Variants in PRELID2 observed in about 807,000 individuals in gnomAD.
PRELID2 encodes PRELI domain-containing protein 2.
A neutral mutation model predicts 28.4 loss-of-function variants in PRELID2; 25 were observed. That is an observed-to-expected ratio of 0.88 (90% CI 0.64 to 1.23). The LOEUF (loss-of-function observed/expected upper bound fraction) is 1.23. PRELID2 is among the 50% of genes most tolerant of loss of function. The pLI is 0.00. For missense variants in PRELID2, 201 were observed against 214.4 expected (o/e 0.94, Z 0.39); for synonymous variants, 76 against 71.6 (o/e 1.06, Z -0.31).
intron 1 of PRELID2, among the ~76,000 whole-genome samples, chr5:145,541,557 A>G (rs1361742752): frequency 2.0e-5 from 3 of 152,046 alleles, no homozygotes; most frequent in Non-Finnish European, 4.4e-5. Context: ...TTTATTAAGG[A>G]AAATAATCAG....
chr5:145,772,969 A>G (rs1486471773), intron 5 of PRELID2, among the ~76,000 whole-genome samples: 4 of 152,228 alleles, frequency 2.6e-5, no homozygotes, highest in Non-Finnish European at 5.9e-5. Flanking sequence ...CATAGTAGCT[A>G]ATAAACTTTT....
chr5:145,314,193 C>A, the PRELID2 span, among the ~76,000 whole-genome samples: 1 of 152,198 alleles, frequency 6.6e-6, no homozygotes, highest in African/African-American at 2.4e-5. Flanking sequence ...CTCCACAAAG[C>A]AATGGTGCTG....
intron 5 of PRELID2, among the ~76,000 whole-genome samples, chr5:145,791,659 G>A (rs898625359): frequency 6.6e-5 from 10 of 152,114 alleles, no homozygotes; most frequent in South Asian, 4.1e-4. Context: ...TGATGGTGAC[G>A]GCTGCACAAC....
At chr5:145,264,677 A>G in the PRELID2 span, among the ~76,000 whole-genome samples, 4 of 151,974 alleles carry the variant, frequency 2.6e-5, no homozygotes, top group East Asian at 7.7e-4. Flanking sequence ...AAAGGATATA[A>G]AAATTGGTAA....
intron 1 of PRELID2, among the ~76,000 whole-genome samples, chr5:145,602,308 G>A (rs1479979608): frequency 6.6e-6 from 1 of 152,118 alleles, no homozygotes; most frequent in Admixed American, 6.6e-5. Flanking sequence ...GCTAGCATCT[G>A]GAAGGAATTA....
chr5:145,270,963 C>A, the PRELID2 span, among the ~76,000 whole-genome samples: 1 of 152,086 alleles, frequency 6.6e-6, no homozygotes, highest in Non-Finnish European at 1.5e-5. Flanking sequence ...AACTTACAAT[C>A]ATGGAGGAAG....
At chr5:145,409,160 A>C in the PRELID2 span, among the ~76,000 whole-genome samples, 2 of 152,210 alleles carry the variant, frequency 1.3e-5, no homozygotes, top group African/African-American at 4.8e-5. Flanking sequence ...TTTTCAGACA[A>C]ACAAATGCTG....
intron 1 of PRELID2, among the ~76,000 whole-genome samples, chr5:145,631,718 A>C (rs112537694): frequency 3.2e-4 from 49 of 152,348 alleles, no homozygotes; most frequent in African/African-American, 1.1e-3. Flanking sequence ...TAATAAAGGC[A>C]GTAACTCTAT....
downstream of PRELID2, among the ~76,000 whole-genome samples, chr5:145,470,390 T>A (rs1752042981): frequency 6.6e-6 from 1 of 152,142 alleles, no homozygotes; most frequent in South Asian, 2.1e-4. Context: ...TCGACAAATA[T>A]CTTCAGGCCC....
At chr5:145,666,916 G>A (rs1754606545) in intron 1 of PRELID2, among the ~76,000 whole-genome samples, 3 of 152,004 alleles carry the variant, frequency 2.0e-5, no homozygotes, top group Non-Finnish European at 2.9e-5. Context: ...ATTAGAGAAT[G>A]GCTTATACGT....
At chr5:145,755,458 C>T (rs1757231605), downstream of PRELID2, among the ~76,000 whole-genome samples, 1 of 152,086 alleles carries the variant, frequency 6.6e-6, no homozygotes, top group South Asian at 2.1e-4. Flanking sequence ...GACTTGGATC[C>T]TTCTGACTTT....
chr5:145,391,277 T>G, the PRELID2 span, among the ~76,000 whole-genome samples: 1 of 152,114 alleles, frequency 6.6e-6, no homozygotes, highest in Non-Finnish European at 1.5e-5. Flanking sequence ...TAAATGGAGG[T>G]TCCCAAACCT....
intron 1 of PRELID2, among the ~76,000 whole-genome samples, chr5:145,552,683 T>G (rs192052944): frequency 1.3e-5 from 2 of 152,186 alleles, no homozygotes; most frequent in Non-Finnish European, 2.9e-5. Context: ...GTTCTTTTTT[T>G]AAAAATGAGG....
the PRELID2 span, among the ~76,000 whole-genome samples, chr5:145,429,411 G>A: frequency 6.6e-6 from 1 of 152,174 alleles, no homozygotes; most frequent in Non-Finnish European, 1.5e-5. Flanking sequence ...GAAACTATGG[G>A]AGGAAACCAT....
At chr5:145,551,918 C>A (rs575125333) in intron 1 of PRELID2, among the ~76,000 whole-genome samples, 7 of 152,140 alleles carry the variant, frequency 4.6e-5, no homozygotes, top group Admixed American at 1.3e-4. Flanking sequence ...CAGGGAGGTA[C>A]CAGGGCAATA....
the PRELID2 span, among the ~76,000 whole-genome samples, chr5:145,266,871 G>A: frequency 1.8e-3 from 279 of 152,096 alleles, no homozygotes; most frequent in African/African-American, 6.4e-3. Flanking sequence ...CAAAATAATG[G>A]TATTTGCAGC....
chr5:145,691,758 C>T (rs1305950002), intron 1 of PRELID2, among the ~76,000 whole-genome samples: 1 of 151,982 alleles, frequency 6.6e-6, no homozygotes, highest in Non-Finnish European at 1.5e-5. Context: ...TTCACAGAGT[C>T]CAAAAATCTT....
the PRELID2 span, among the ~76,000 whole-genome samples, chr5:145,248,215 C>A: frequency 1.1e-4 from 16 of 152,182 alleles, no homozygotes; most frequent in South Asian, 1.7e-3. Flanking sequence ...CGTTCCCCCC[C>A]CTTCTTAACC....
At chr5:145,550,248 C>T (rs1322579026) in intron 1 of PRELID2, among the ~76,000 whole-genome samples, 1 of 152,146 alleles carries the variant, frequency 6.6e-6, no homozygotes, top group Non-Finnish European at 1.5e-5. Flanking sequence ...GGGACAGGAA[C>T]AACTTTGCAG....
Sources: allele counts gnomAD v4.1 joint callset (sites outside exome capture counted in the v4.1 genomes callset), GRCh38; gene constraint gnomAD v4.1.1; transcripts MANE v1.5; gene names NCBI Gene and HGNC (gene_info 2026-07-23, HGNC 2026-07-21).